The following PCDH15 variants were observed in gnomAD, a reference collection of about 807,000 sequenced individuals.
PCDH15 encodes the protein protocadherin-15.
Under a neutral mutation model 178.5 loss-of-function variants are expected in PCDH15, and 129 were observed. That is an observed-to-expected ratio of 0.72 (90% confidence interval 0.63 to 0.84). PCDH15 has a LOEUF of 0.84. PCDH15 is among the 40% of genes least tolerant of loss of function. PCDH15 has a pLI of 0.00. For synonymous variants in PCDH15, 800 were observed against 732.0 expected (o/e 1.09, Z -1.50); for missense variants, 2,230 against 2,099.9 (o/e 1.06, Z -1.21).
chr10:53,807,346 A>T (rs1328913423), intron 37 of PCDH15, among the ~76,000 whole-genome samples: 1 of 152,108 alleles, frequency 6.6e-6, no homozygotes, highest in Non-Finnish European at 1.5e-5. Flanking sequence ...TGAAAAATGT[A>T]TTGTTGAGTT....
At chr10:55,101,477 C>A (rs1042049623) in intron 2 of PCDH15, among the ~76,000 whole-genome samples, 1 of 150,978 alleles carries the variant, frequency 6.6e-6, no homozygotes, top group Non-Finnish European at 1.5e-5. Flanking sequence ...AAATAGACAA[C>A]AGCCTCCAGC....
At chr10:54,865,513 T>C (rs189777291) in intron 3 of PCDH15, among the ~76,000 whole-genome samples, 112 of 152,264 alleles carry the variant, frequency 7.4e-4, no homozygotes, top group African/African-American at 2.1e-3. Flanking sequence ...TTTTTAATCA[T>C]ATGAGTTAAG....
chr10:54,791,261 T>C (rs945296726), intron 1 of PCDH15, among the ~76,000 whole-genome samples: 14 of 151,890 alleles, frequency 9.2e-5, no homozygotes, highest in Admixed American at 6.6e-4. Context: ...AAATCTTCCA[T>C]TGAATTTAGC....
intron 1 of PCDH15, among the ~76,000 whole-genome samples, chr10:55,300,335 T>C (rs1843241970): frequency 6.6e-6 from 1 of 152,056 alleles, no homozygotes; most frequent in Non-Finnish European, 1.5e-5. Flanking sequence ...TCAACAGAGG[T>C]GATATGTTGA....
At chr10:54,136,622 C>T (rs2042928373) in intron 14 of PCDH15, among the ~76,000 whole-genome samples, 1 of 152,090 alleles carries the variant, frequency 6.6e-6, no homozygotes, top group Non-Finnish European at 1.5e-5. Flanking sequence ...CTTTCATTAT[C>T]TTCCCATTGT....
At chr10:54,604,251 C>G (rs1382569408) in intron 2 of PCDH15, among the ~76,000 whole-genome samples, 1 of 151,866 alleles carries the variant, frequency 6.6e-6, no homozygotes, top group Admixed American at 6.6e-5. Flanking sequence ...GTACAATCTT[C>G]TGTTGTTGGG....
At chr10:55,316,429 A>G (rs1843723439) in intron 1 of PCDH15, among the ~76,000 whole-genome samples, 1 of 152,208 alleles carries the variant, frequency 6.6e-6, no homozygotes, top group Admixed American at 6.5e-5. Flanking sequence ...CCAGATGTTT[A>G]TATCAGTTCT....
intron 2 of PCDH15, among the ~76,000 whole-genome samples, chr10:55,083,975 C>A (rs1437072586): frequency 4.0e-5 from 6 of 151,794 alleles, no homozygotes; most frequent in Non-Finnish European, 7.4e-5. Context: ...TTGAAAGAAT[C>A]AGTATTGTTA....
At chr10:55,577,884 A>G (rs1589150938) in intron 2 of PCDH15, among the ~76,000 whole-genome samples, 2 of 152,276 alleles carry the variant, frequency 1.3e-5, no homozygotes, top group East Asian at 1.9e-4. Context: ...GAATTTCTGA[A>G]CCCTTCAGAA....
chr10:54,564,353 G>T (rs1174653214), intron 2 of PCDH15, among the ~76,000 whole-genome samples: 2 of 152,080 alleles, frequency 1.3e-5, no homozygotes, highest in African/African-American at 2.4e-5. Context: ...GGCTAAATAG[G>T]AATTAAAGTC....
chr10:54,368,251 G>C (rs889097013), intron 5 of PCDH15, among the ~76,000 whole-genome samples: 1 of 151,710 alleles, frequency 6.6e-6, no homozygotes, highest in South Asian at 2.1e-4. Context: ...GAGGTTAAAG[G>C]CCCAAATGAT....
At chr10:55,417,523 T>C (rs1431865973) in intron 2 of PCDH15, among the ~76,000 whole-genome samples, 1 of 151,582 alleles carries the variant, frequency 6.6e-6, no homozygotes, top group Non-Finnish European at 1.5e-5. Flanking sequence ...CAAAACAAAA[T>C]AATGCATAAT....
intron 1 of PCDH15, among the ~76,000 whole-genome samples, chr10:55,175,939 C>A (rs926957980): frequency 6.6e-6 from 1 of 152,004 alleles, no homozygotes; most frequent in African/African-American, 2.4e-5. Context: ...CACCTTAACC[C>A]TCTCCAGTCT....
chr10:54,777,425 A>G (rs1355436700), intron 1 of PCDH15, among the ~76,000 whole-genome samples: 1 of 152,204 alleles, frequency 6.6e-6, no homozygotes, highest in Admixed American at 6.5e-5. Context: ...CGGAACTTCA[A>G]GGAAATATTG....
At chr10:55,167,416 G>C (rs1307819227) in intron 1 of PCDH15, among the ~76,000 whole-genome samples, 2 of 152,028 alleles carry the variant, frequency 1.3e-5, no homozygotes, top group Non-Finnish European at 2.9e-5. Context: ...CAGCAATACA[G>C]CACTTTTGGA....
intron 21 of PCDH15, among the ~76,000 whole-genome samples, chr10:53,988,310 T>C (rs547890126): frequency 3.3e-5 from 5 of 152,284 alleles, no homozygotes; most frequent in African/African-American, 1.2e-4. Context: ...AGCCCCATGG[T>C]ACAGCTCCTT....
At chr10:55,094,160 A>G (rs571034566) in intron 2 of PCDH15, among the ~76,000 whole-genome samples, 1 of 152,324 alleles carries the variant, frequency 6.6e-6, no homozygotes, top group African/African-American at 2.4e-5. Context: ...CAACAATGAT[A>G]GACTGGATTA....
chr10:54,346,538 A>G, intron 5 of PCDH15, 54 bp from the exon 6 acceptor site: 1 of 1,601,408 alleles, frequency 6.2e-7, no homozygotes, highest in Admixed American at 1.7e-5. Flanking sequence ...ACTGCACACC[A>G]GAAATGTTAC....
intron 3 of PCDH15, among the ~76,000 whole-genome samples, chr10:54,417,264 A>G (rs1222430595): frequency 2.6e-5 from 4 of 152,108 alleles, no homozygotes; most frequent in Admixed American, 1.3e-4. Context: ...ACGTCGATCT[A>G]CTTTAGGAAT....
Sources: gnomAD v4.1 joint callset for allele counts (sites outside exome capture counted in the v4.1 genomes callset) on GRCh38, gnomAD v4.1.1 for gene constraint, MANE v1.5 for transcripts, NCBI Gene and HGNC (gene_info 2026-07-23, HGNC 2026-07-21) for gene names.